The following NCOA6 variants were observed in gnomAD, a reference collection of about 807,000 sequenced individuals.
NCOA6 encodes the protein NRC RAP250.
A neutral mutation model predicts 171.4 loss-of-function variants in NCOA6; 49 were observed. The observed-to-expected ratio is 0.29, with a 90% confidence interval of 0.23 to 0.36. The LOEUF is 0.36. Ranked by LOEUF, NCOA6 falls within the 10% of genes least tolerant of loss-of-function variation. The pLI is 1.00. For synonymous variants in NCOA6, 910 were observed against 927.5 expected, an observed-to-expected ratio of 0.98 and a Z score of 0.34; for missense variants, 2,248 against 2,554.5, an observed-to-expected ratio of 0.88 and a Z score of 2.59.
intron 1 of NCOA6, among the ~76,000 whole-genome samples, chr20:34,803,511 CTT>C (rs1342638817): frequency 6.6e-6 from 1 of 150,870 alleles, no homozygotes; most frequent in Non-Finnish European, 1.5e-5. Flanking sequence ...TGAAATGTGT[CTT>C]TTTTCATCAA....
At chr20:34,747,960 G>C (rs76924220) in intron 9 of NCOA6, among the ~76,000 whole-genome samples, 1 of 152,318 alleles carries the variant, frequency 6.6e-6, no homozygotes, top group African/African-American at 2.4e-5. Context: ...CCAAAAAGGT[G>C]TATGAAACAG....
intron 10 of NCOA6, among the ~76,000 whole-genome samples, chr20:34,746,209 A>G (rs1201691519): frequency 6.6e-6 from 1 of 151,464 alleles, no homozygotes; most frequent in African/African-American, 2.4e-5. Context: ...GCCAACTAGA[A>G]TCTTGACATT....
At chr20:34,749,312 T>C in intron 9 of NCOA6, 91 bp downstream of exon 9, 2 of 1,391,680 alleles carry the variant, frequency 1.4e-6, no homozygotes, top group South Asian at 2.8e-5. Flanking sequence ...TATACTATTC[T>C]AGTTTTATAT....
chr20:34,792,776 ATTTT>A (rs35924752), intron 1 of NCOA6, among the ~76,000 whole-genome samples: 6 of 112,308 alleles, frequency 5.3e-5, no homozygotes, highest in Admixed American at 4.4e-4. Flanking sequence ...ATCTTTTCTG[ATTTT>A]TTTTTTTTTT....
At position 34,758,077 on chromosome 20, in the gene NCOA6, A is replaced by T; in HGVS notation, c.671T>A (p.Leu224His). 1 of 1,612,486 alleles carries T rather than the reference A, an allele frequency of 6.2e-7. No homozygotes were observed. Among genetic ancestry groups the T allele is most frequent in the South Asian group, 1.1e-5 (1 of 91,040 alleles). The change falls in exon 7 of 15, where the codon CTC (leucine) becomes CAC (histidine). Residue 224 changes from leucine (L) to histidine (H), a missense_variant. This residue lies in a region of NCOA6 where 987 missense variants were observed against 1,104.7 expected (regional missense o/e 0.89). Coordinates refer to ENST00000359003, the MANE Select transcript of NCOA6 (RefSeq NM_014071.5). ...GGGATGACTTTGCTGCTGTATATGG[A>T]GCCCAGAGAGGAGTGGATCCATTGC... is the stretch of plus-strand genomic sequence containing the variant. ...SDAMDPLLSG[L>H]HIQQQSHPSG... is the part of the protein sequence containing the mutation.
chr20:34,806,419 T>C (rs1243479757), intron 1 of NCOA6, among the ~76,000 whole-genome samples: 2 of 152,226 alleles, frequency 1.3e-5, no homozygotes, highest in Non-Finnish European at 2.9e-5. Context: ...TATAATCCTA[T>C]TTGCCAGCTT....
intron 14 of NCOA6, among the ~76,000 whole-genome samples, chr20:34,721,820 C>T (rs897299384): frequency 1.3e-4 from 20 of 151,994 alleles, no homozygotes; most frequent in East Asian, 1.9e-4. Flanking sequence ...CTTTGGGAGG[C>T]GAAGGTGGGA....
chr20:34,774,179 T>G (rs1169796376), intron 4 of NCOA6, among the ~76,000 whole-genome samples: 2 of 152,340 alleles, frequency 1.3e-5, no homozygotes, highest in South Asian at 4.1e-4. Context: ...AATTAAGGTT[T>G]TGAAGCCTTT....
chr20:34,726,954 C>CA (rs1488711145), intron 14 of NCOA6, among the ~76,000 whole-genome samples: 2 of 151,894 alleles, frequency 1.3e-5, no homozygotes, highest in East Asian at 1.9e-4. Context: ...GACCCTGTTT[C>CA]AAAAAAACAA....
intron 5 of NCOA6, among the ~76,000 whole-genome samples, chr20:34,759,784 G>A (rs1407179195): frequency 1.3e-5 from 2 of 152,058 alleles, no homozygotes; most frequent in African/African-American, 2.4e-5. Flanking sequence ...GTGGATACAT[G>A]AGAGTGTCTT....
intron 13 of NCOA6, among the ~76,000 whole-genome samples, chr20:34,731,421 T>TTCA (rs1222788773): frequency 6.6e-6 from 1 of 152,232 alleles, no homozygotes; most frequent in Non-Finnish European, 1.5e-5. Context: ...GAATCTAACC[T>TTCA]TCACCATTTA....
At chr20:34,794,572 A>G (rs1464393249) in intron 1 of NCOA6, among the ~76,000 whole-genome samples, 1 of 152,210 alleles carries the variant, frequency 6.6e-6, no homozygotes, top group Non-Finnish European at 1.5e-5. Context: ...TCTCCAAGAT[A>G]TATTTTTGAG....
chr20:34,814,127 G>A (rs983266342), intron 1 of NCOA6, among the ~76,000 whole-genome samples: 7 of 152,092 alleles, frequency 4.6e-5, no homozygotes, highest in African/African-American at 1.7e-4. Flanking sequence ...TCAGGAGTTC[G>A]AGACCAGCCT....
At chr20:34,761,443 G>T (rs778363806) in intron 5 of NCOA6, among the ~76,000 whole-genome samples, 1 of 147,474 alleles carries the variant, frequency 6.8e-6, no homozygotes. Flanking sequence ...GCATTTTTAC[G>T]TTTCCAAAAA....
At chr20:34,724,446 A>G (rs1385534897) in intron 14 of NCOA6, among the ~76,000 whole-genome samples, 1 of 152,172 alleles carries the variant, frequency 6.6e-6, no homozygotes, top group Non-Finnish European at 1.5e-5. Context: ...GTGCACCAGA[A>G]TCTGCCTGGT....
At chr20:34,796,003 A>ATTTTTTTTTTTTTTTTTTTTT (rs569229378) in intron 1 of NCOA6, among the ~76,000 whole-genome samples, 2 of 95,766 alleles carry the variant, frequency 2.1e-5, no homozygotes, top group Non-Finnish European at 3.9e-5. Context: ...ATATGTTTGA[A>ATTTTTTTTTTTTTTTTTTTTT]TTTTTTTTTT....
chr20:34,736,723 T>G lies in NCOA6; in HGVS notation c.5929A>C (p.Thr1977Pro), dbSNP rs754903219. 2 of 1,611,654 alleles carry G rather than the reference T, an allele frequency of 1.2e-6. No homozygotes were observed. The highest frequency in any genetic ancestry group is 1.7e-6 in the Non-Finnish European group (2 of 1,178,686). ...SQNLVSKETS[T>P]TALQASVARP... ...GCAACAGAGGCCTGCAGTGCTGTGGTTGAAGTTTCCTTTGAGACTAAATTC... is the reference window on the plus strand; with the variant it reads ...GCAACAGAGGCCTGCAGTGCTGTGGGTGAAGTTTCCTTTGAGACTAAATTC... Residue 1977 changes from threonine to proline, a missense_variant, in exon 12 of 15, where the codon ACC becomes CCC. Transcript: ENST00000359003.
chr20:34,820,972 C>T (rs932572417), intron 1 of NCOA6: 1 of 152,166 alleles, frequency 6.6e-6, no homozygotes. Context: ...ACACAGTACA[C>T]TCCAGAACAA....
chr20:34,777,996 C>A (rs952365057), intron 3 of NCOA6, among the ~76,000 whole-genome samples: 5 of 152,154 alleles, frequency 3.3e-5, no homozygotes, highest in African/African-American at 1.2e-4. Flanking sequence ...CAACCTCCGC[C>A]TCCCAGGTTC....
Sources: allele counts gnomAD v4.1 joint callset (sites outside exome capture counted in the v4.1 genomes callset), GRCh38; gene constraint gnomAD v4.1.1; regional missense constraint gnomAD v4.1.1; transcripts MANE v1.5; gene names NCBI Gene and HGNC (gene_info 2026-07-23, HGNC 2026-07-21).